The following PTPRZ1 variants were observed in gnomAD, a reference collection of about 807,000 sequenced individuals.
The protein encoded by PTPRZ1 is protein tyrosine phosphatase receptor type Z1.
Under a neutral mutation model 214.1 loss-of-function variants are expected in PTPRZ1, and 82 were observed. The ratio of observed to expected loss-of-function variants is 0.38; its 90% CI spans 0.32 to 0.46. The LOEUF (loss-of-function observed/expected upper bound fraction) is 0.46, where lower values mean the gene tolerates loss of function less well. Ranked by LOEUF, PTPRZ1 falls within the 20% of genes least tolerant of loss-of-function variation. The pLI, the probability that PTPRZ1 is intolerant of heterozygous loss-of-function variation, is 1.00. For missense variants in PTPRZ1, 2,603 were observed against 2,748.7 expected, an observed-to-expected ratio of 0.95 and a Z score of 1.19; for synonymous variants, 945 against 987.9, an observed-to-expected ratio of 0.96 and a Z score of 0.81.
intron 2 of PTPRZ1, among the ~76,000 whole-genome samples, chr7:121,965,711 T>A (rs978940845): frequency 2.6e-5 from 4 of 152,154 alleles, no homozygotes. Flanking sequence ...GATGATTACA[T>A]CATAGGGTGG....
At chr7:121,890,364 A>G (rs1228998695) in intron 1 of PTPRZ1, among the ~76,000 whole-genome samples, 2 of 152,160 alleles carry the variant, frequency 1.3e-5, no homozygotes, top group Non-Finnish European at 2.9e-5. Context: ...CAGCCTACAC[A>G]TAATCTTCCA....
chr7:121,888,835 T>C (rs1334127131), intron 1 of PTPRZ1, among the ~76,000 whole-genome samples: 1 of 152,156 alleles, frequency 6.6e-6, no homozygotes, highest in African/African-American at 2.4e-5. Flanking sequence ...TGATGTTTGA[T>C]AGAATATTAG....
chr7:121,909,690 G>A (rs1242866143), intron 1 of PTPRZ1, among the ~76,000 whole-genome samples: 1 of 152,086 alleles, frequency 6.6e-6, no homozygotes, highest in African/African-American at 2.4e-5. Context: ...TAGGTTTGGA[G>A]AGAATAGAAC....
At chr7:121,903,437 G>T (rs1386829240) in intron 1 of PTPRZ1, among the ~76,000 whole-genome samples, 5 of 152,126 alleles carry the variant, frequency 3.3e-5, no homozygotes, top group African/African-American at 9.7e-5. Context: ...TAAAGCACTA[G>T]ATTTTTCCAC....
intron 27 of PTPRZ1, among the ~76,000 whole-genome samples, chr7:122,058,241 A>G (rs934732074): frequency 1.3e-5 from 2 of 151,952 alleles, no homozygotes; most frequent in Non-Finnish European, 2.9e-5. Flanking sequence ...AAAAAAGTAC[A>G]CTTTTGGAAG....
At chr7:122,040,702 A>T in intron 20 of PTPRZ1, 114 bp from the exon 21 acceptor site, 1 of 728,262 alleles carries the variant, frequency 1.4e-6, no homozygotes, top group Non-Finnish European at 2.0e-6. Context: ...AAATCAAGCT[A>T]TGATTCCTGA....
At chr7:121,990,931 C>T (rs886110402) in intron 8 of PTPRZ1, among the ~76,000 whole-genome samples, 6 of 152,208 alleles carry the variant, frequency 3.9e-5, no homozygotes, top group Admixed American at 3.9e-4. Flanking sequence ...TGCACGCCTT[C>T]CAGGCATCAG....
At chr7:121,925,247 C>A (rs571320126) in intron 1 of PTPRZ1, among the ~76,000 whole-genome samples, 2 of 152,218 alleles carry the variant, frequency 1.3e-5, no homozygotes, top group African/African-American at 4.8e-5. Flanking sequence ...TTTCTAATAT[C>A]CAGTTGTATA....
intron 2 of PTPRZ1, among the ~76,000 whole-genome samples, chr7:121,939,148 G>T (rs1478868736): frequency 1.3e-5 from 2 of 152,180 alleles, no homozygotes; most frequent in Non-Finnish European, 1.5e-5. Context: ...CATAATTTCA[G>T]GGGATCATCC....
intron 6 of PTPRZ1, among the ~76,000 whole-genome samples, chr7:121,977,440 A>G (rs542068827): frequency 2.0e-5 from 3 of 152,328 alleles, no homozygotes; most frequent in African/African-American, 7.2e-5. Flanking sequence ...TGGGCAGAGG[A>G]GTGTAAGCCT....
intron 15 of PTPRZ1, 100 bp from the exon 16 acceptor site, chr7:122,033,995 G>A: frequency 9.4e-7 from 1 of 1,059,524 alleles, no homozygotes; most frequent in Non-Finnish European, 1.4e-6. Flanking sequence ...CATGATCATA[G>A]TTTTCCATTG....
At chr7:122,039,385 G>A (rs540195648) in intron 19 of PTPRZ1, 69 bp from the exon 20 acceptor site, 1 of 1,537,512 alleles carries the variant, frequency 6.5e-7, no homozygotes, top group East Asian at 2.3e-5. Context: ...GACCTTTACT[G>A]ATTTCAGGGA....
chr7:121,898,154 G>A (rs1018389360), intron 1 of PTPRZ1, among the ~76,000 whole-genome samples: 1 of 151,974 alleles, frequency 6.6e-6, no homozygotes, highest in African/African-American at 2.4e-5. Flanking sequence ...AGTAAACCAT[G>A]TAAGTACTTA....
chr7:121,876,964 G>T (rs1794081300), intron 1 of PTPRZ1, among the ~76,000 whole-genome samples: 1 of 152,072 alleles, frequency 6.6e-6, no homozygotes, highest in African/African-American at 2.4e-5. Flanking sequence ...TGAGAGATTT[G>T]CTTGACCACC....
At chr7:121,976,351 T>C in intron 5 of PTPRZ1, 83 bp downstream of exon 5, 3 of 892,952 alleles carry the variant, frequency 3.4e-6, no homozygotes, top group Non-Finnish European at 5.0e-6. Context: ...ACATAGTTTC[T>C]AACAAAGAGA....
chr7:122,038,733 C>T lies in PTPRZ1; in HGVS notation c.5368-22C>T, dbSNP rs1482482792. On this transcript the variant is annotated intron_variant, in intron 18 of 29. Coordinates refer to ENST00000393386, the MANE Select transcript of PTPRZ1 (RefSeq NM_002851.3). Reference sequence around the variant, plus strand: ...GACATATAAATCAGTTAGTAGGAAACATTTGTCATTTAATTCTTCAGGGCT... The same window carrying T: ...GACATATAAATCAGTTAGTAGGAAATATTTGTCATTTAATTCTTCAGGGCT... 2.5e-6 allele frequency: 4 copies of T among 1,609,616 alleles called. No homozygotes were observed. In the South Asian group the frequency reaches 3.3e-5, roughly 13 times the overall value.
chr7:122,037,455 C>T (rs983335668), intron 18 of PTPRZ1, among the ~76,000 whole-genome samples: 2 of 152,082 alleles, frequency 1.3e-5, no homozygotes, highest in Non-Finnish European at 2.9e-5. Flanking sequence ...CCTCAGGATA[C>T]CCAGCTTTGT....
Position 122,012,791 on chromosome 7 carries a change from A to G in PTPRZ1, c.3745A>G (p.Thr1249Ala), listed in dbSNP as rs1488018824. The change falls in exon 12 of 30, where the codon ACT (threonine) becomes GCT (alanine). Residue 1249 changes from threonine (T) to alanine (A), a missense_variant. By Grantham distance (58) the Thr-to-Ala change is moderately conservative. This residue lies in a region of PTPRZ1 where 1,913 missense variants were observed against 1,914.3 expected (regional missense o/e 1.00). Coordinates refer to ENST00000393386, the MANE Select transcript of PTPRZ1 (RefSeq NM_002851.3). ...TSVPVFDVSP[T>A]SHMHSASLQG... is the part of the protein sequence containing the mutation. ...TGTACCAGTTTTTGATGTGTCGCCTACTTCTCATATGCACTCTGCTTCACT... is the reference window on the plus strand; with the variant it reads ...TGTACCAGTTTTTGATGTGTCGCCTGCTTCTCATATGCACTCTGCTTCACT... The G allele has an allele frequency of 3.1e-6, 5 of 1,611,562 alleles. No homozygotes were observed. The highest frequency in any genetic ancestry group is 2.2e-5 in the South Asian group (2 of 91,038).
intron 27 of PTPRZ1, among the ~76,000 whole-genome samples, chr7:122,056,361 A>C (rs1792349003): frequency 6.6e-6 from 1 of 151,868 alleles, no homozygotes; most frequent in Non-Finnish European, 1.5e-5. Flanking sequence ...ATCCTAATTC[A>C]GTATGTCTCA....
Sources: gnomAD v4.1 joint callset for allele counts (sites outside exome capture counted in the v4.1 genomes callset) on GRCh38, gnomAD v4.1.1 for gene constraint, gnomAD v4.1.1 regional missense constraint, MANE v1.5 for transcripts, NCBI Gene and HGNC (gene_info 2026-07-23, HGNC 2026-07-21) for gene names.